DRC11L: variants seen among roughly 807,000 people sequenced by gnomAD.
DRC11L encodes the protein dynein regulatory complex subunit 11 like.
chr7:151,193,483 C>T, the DRC11L span: 156 of 399,210 alleles, frequency 3.9e-4, no homozygotes, highest in Middle Eastern at 1.9e-3. Flanking sequence ...TGTGGATATC[C>T]GGGGAGCCTG....
chr7:151,201,077 T>G, the DRC11L span, among the ~76,000 whole-genome samples: 5 of 152,308 alleles, frequency 3.3e-5, no homozygotes, highest in African/African-American at 1.2e-4. This position sits in a 1 kb window ranked among gnomAD's most constrained non-coding sequence, Gnocchi z 4.1. Context: ...CCAGCTACTT[T>G]CAGACTCCAG....
the DRC11L span, among the ~76,000 whole-genome samples, chr7:151,198,538 C>T: frequency 4.6e-5 from 7 of 152,124 alleles, no homozygotes; most frequent in Admixed American, 2.6e-4. Context: ...TCCATGGGTG[C>T]TTTCCCCACC....
the DRC11L span, chr7:151,199,153 G>A: frequency 2.5e-6 from 1 of 397,506 alleles, no homozygotes. This position sits in a 1 kb window ranked among gnomAD's most constrained non-coding sequence, Gnocchi z 5.2. Context: ...ACACCCACAC[G>A]GAACAACGGG....
chr7:151,193,220 A>G, the DRC11L span: 2 of 398,660 alleles, frequency 5.0e-6, no homozygotes, highest in Non-Finnish European at 8.8e-6. Flanking sequence ...GGGTGACGTG[A>G]CCTCAAAGCC....
chr7:151,199,870 CA>C, the DRC11L span, among the ~76,000 whole-genome samples: 1 of 152,214 alleles, frequency 6.6e-6, no homozygotes, highest in East Asian at 1.9e-4. This position sits in a 1 kb window ranked among gnomAD's most constrained non-coding sequence, Gnocchi z 5.2. Context: ...GGACAGAGAA[CA>C]GGGGATAGAC....
chr7:151,199,790 G>A, the DRC11L span, among the ~76,000 whole-genome samples: 1 of 152,232 alleles, frequency 6.6e-6, no homozygotes. This position sits in a 1 kb window ranked among gnomAD's most constrained non-coding sequence, Gnocchi z 5.2. Flanking sequence ...TTCCCCCAGG[G>A]AGCATGCTCC....
At chr7:151,199,069 A>G in the DRC11L span, 3 of 398,458 alleles carry the variant, frequency 7.5e-6, no homozygotes, top group Non-Finnish European at 1.3e-5. The surrounding 1 kb of genome is among the most constrained non-coding windows in gnomAD (Gnocchi z 5.2). Context: ...GTCTGGATGC[A>G]GCCCCCAGCC....
chr7:151,197,350 T>G, the DRC11L span: 1 of 398,966 alleles, frequency 2.5e-6, no homozygotes, highest in African/African-American at 2.1e-5. Flanking sequence ...ACCCAAGACA[T>G]TTCAGAGAAG....
At chr7:151,198,920 C>T in the DRC11L span, 8 of 399,184 alleles carry the variant, frequency 2.0e-5, no homozygotes, top group South Asian at 1.0e-3. Context: ...CCTCTTTCTC[C>T]ATCTGGCGGA....
chr7:151,197,213 T>C, the DRC11L span: 1 of 399,616 alleles, frequency 2.5e-6, no homozygotes, highest in Non-Finnish European at 4.4e-6. Context: ...ACCCCCTTCT[T>C]GGCCTTTTCT....
chr7:151,204,384 C>CCAAA, the DRC11L span: 1 of 265,788 alleles, frequency 3.8e-6, no homozygotes. Context: ...CCCATCCCTA[C>CCAAA]CCCACCCGAC....
the DRC11L span, chr7:151,195,644 C>A: frequency 3.3e-5 from 13 of 399,758 alleles, no homozygotes; most frequent in Non-Finnish European, 5.3e-5. Context: ...GCTCCTGACG[C>A]ATCAGCTCAT....
chr7:151,192,665 G>T, the DRC11L span: 1 of 399,030 alleles, frequency 2.5e-6, no homozygotes, highest in Non-Finnish European at 4.4e-6. Flanking sequence ...TGGAGCGACT[G>T]GAACAAGCCC....
chr7:151,194,240 C>G, the DRC11L span: 1 of 399,034 alleles, frequency 2.5e-6, no homozygotes, highest in Non-Finnish European at 4.4e-6. Context: ...CTCCTCACAC[C>G]CCCAGAGCCT....
chr7:151,190,899 A>T, the DRC11L span: 1 of 398,898 alleles, frequency 2.5e-6, no homozygotes, highest in Non-Finnish European at 4.4e-6. Flanking sequence ...CTGGGCATTT[A>T]TGCCTCTGCC....
At chr7:151,194,685 G>A in the DRC11L span, 1 of 398,074 alleles carries the variant, frequency 2.5e-6, no homozygotes, top group Non-Finnish European at 4.4e-6. Context: ...AGAGATGGGG[G>A]CTGTTGTCAT....
chr7:151,191,983 G>A, the DRC11L span: 849 of 398,320 alleles, frequency 2.1e-3, 10 homozygotes, highest in African/African-American at 0.015. Flanking sequence ...TTTGTGCTCC[G>A]GGGAGCAGCT....
the DRC11L span, chr7:151,192,760 G>A: frequency 2.5e-6 from 1 of 399,134 alleles, no homozygotes; most frequent in Non-Finnish European, 4.4e-6. Flanking sequence ...TCTTCTTTGG[G>A]GGTCTTCTTA....
the DRC11L span, chr7:151,191,818 G>C: frequency 2.5e-6 from 1 of 399,144 alleles, no homozygotes; most frequent in Non-Finnish European, 4.4e-6. Flanking sequence ...CTAGGGCACT[G>C]ATGTCCAGGT....
Sources: allele counts gnomAD v4.1 joint callset (sites outside exome capture counted in the v4.1 genomes callset), GRCh38; gene constraint gnomAD v4.1.1; non-coding constraint Gnocchi (gnomAD v3.1); transcripts MANE v1.5; gene names NCBI Gene and HGNC (gene_info 2026-07-23, HGNC 2026-07-21).